Variants in HOOK1 observed in about 807,000 individuals in gnomAD.
HOOK1 encodes the protein hook microtubule tethering protein 1.
Under a neutral mutation model 112.8 loss-of-function variants are expected in HOOK1, and 60 were observed. The ratio of observed to expected loss-of-function variants is 0.53; its 90% CI spans 0.43 to 0.66. The LOEUF (loss-of-function observed/expected upper bound fraction) is 0.66. HOOK1 is among the 30% of genes least tolerant of loss of function. The probability of loss-of-function intolerance (pLI) is 0.00; values close to 1 mark genes in which losing one functional copy is unlikely to be tolerated. For synonymous variants in HOOK1, 294 were observed against 283.8 expected, an observed-to-expected ratio of 1.04 and a Z score of -0.36; for missense variants, 770 against 856.0, an observed-to-expected ratio of 0.90 and a Z score of 1.25.
At chr1:59,834,178 G>A (rs924739829) in intron 5 of HOOK1, among the ~76,000 whole-genome samples, 3 of 152,084 alleles carry the variant, frequency 2.0e-5, no homozygotes, top group African/African-American at 4.8e-5. Context: ...TGACGCTGAT[G>A]TTTTTTTGCA....
intron 16 of HOOK1, chr1:59,863,741 A>C (rs1329072098): frequency 2.2e-6 from 1 of 460,492 alleles, no homozygotes; most frequent in Non-Finnish European, 2.9e-6. Flanking sequence ...TGAAAAGGAA[A>C]ATTGAAAGAG....
intron 1 of HOOK1, among the ~76,000 whole-genome samples, chr1:59,818,304 C>T (rs769945881): frequency 5.3e-5 from 8 of 152,126 alleles, no homozygotes; most frequent in African/African-American, 9.7e-5. Flanking sequence ...CTTCTTTCAG[C>T]GCTAGGAGGA....
intron 2 of HOOK1, among the ~76,000 whole-genome samples, chr1:59,825,232 G>C (rs1449532176): frequency 6.6e-6 from 1 of 152,124 alleles, no homozygotes; most frequent in Non-Finnish European, 1.5e-5. Context: ...CACTCACAGG[G>C]GATAGGACTT....
intron 12 of HOOK1, among the ~76,000 whole-genome samples, chr1:59,854,099 T>A (rs1185627045): frequency 3.2e-5 from 4 of 125,312 alleles, no homozygotes; most frequent in African/African-American, 1.2e-4. Context: ...TTGCCCAGGC[T>A]GGAGTGCAGT....
chr1:59,860,539 A>G (rs2098413015), intron 15 of HOOK1, among the ~76,000 whole-genome samples: 1 of 152,138 alleles, frequency 6.6e-6, no homozygotes. Flanking sequence ...TATAAAATAT[A>G]TGGATAATCC....
intron 1 of HOOK1, among the ~76,000 whole-genome samples, chr1:59,815,816 T>C (rs2098380963): frequency 6.6e-6 from 1 of 151,972 alleles, no homozygotes; most frequent in Non-Finnish European, 1.5e-5. Flanking sequence ...GCTGGCCCTC[T>C]CCTCCTCTAA....
At chr1:59,820,427 G>A (rs1160696165) in intron 1 of HOOK1, among the ~76,000 whole-genome samples, 2 of 152,098 alleles carry the variant, frequency 1.3e-5, no homozygotes, top group African/African-American at 4.8e-5. Flanking sequence ...CTTTAACCCT[G>A]TTGGTTGTCA....
intron 2 of HOOK1, among the ~76,000 whole-genome samples, 171 bp downstream of exon 2, chr1:59,822,114 C>A (rs2098386102): frequency 6.6e-6 from 1 of 152,180 alleles, no homozygotes. Flanking sequence ...AGTTTACCAC[C>A]TCATTATTCC....
rs889538372 is a variant in HOOK1 at position 59,815,992 on chromosome 1, G to T, written c.63+812G>T. ...ACATCCCACCTCTTAGAGTTACTTA[G>T]ATATCAGTGCTGGCATTCAGGTGTG... is the stretch of plus-strand genomic sequence containing the variant. On this transcript the variant is annotated intron_variant, in intron 1 of 21. Transcript: ENST00000371208. Among the ~76,000 whole-genome samples the T allele has an allele frequency of 2.6e-5, 4 of 152,270 alleles. No homozygotes were observed. The East Asian group carries it at 5.8e-4, about 22-fold the overall frequency.
chr1:59,838,324 G>A lies in HOOK1; in HGVS notation c.537+1389G>A, dbSNP rs557800522. Among the ~76,000 whole-genome samples the A allele has an allele frequency of 1.3e-4, 20 of 152,242 alleles. No homozygotes were observed. The East Asian group carries it at 1.5e-3, about 12-fold the overall frequency. ...ATGCTCCCAACAACAGTGTAAAAGC[G>A]TTCCTATTTTTCCACAGCCTCTCCA... On this transcript the variant is annotated intron_variant, in intron 7 of 21. Transcript: ENST00000371208.
chr1:59,841,508 C>G (rs1319018878), intron 8 of HOOK1, among the ~76,000 whole-genome samples: 5 of 152,128 alleles, frequency 3.3e-5, no homozygotes, highest in African/African-American at 1.2e-4. Flanking sequence ...CTGTAAAAAC[C>G]AGTCCTCTGT....
At chr1:59,829,903 T>G (rs2098392563) in intron 3 of HOOK1, among the ~76,000 whole-genome samples, 1 of 152,132 alleles carries the variant, frequency 6.6e-6, no homozygotes, top group Non-Finnish European at 1.5e-5. Flanking sequence ...AGACTGTTAC[T>G]TTATTTTCAT....
At chr1:59,867,454 T>G (rs149769267) in intron 19 of HOOK1, among the ~76,000 whole-genome samples, 2 of 152,198 alleles carry the variant, frequency 1.3e-5, no homozygotes, top group African/African-American at 2.4e-5. Context: ...TACCATCCAG[T>G]CTTCTTCTTT....
chr1:59,858,871 A>G, intron 13 of HOOK1, 114 bp from the exon 14 acceptor site: 1 of 542,610 alleles, frequency 1.8e-6, no homozygotes, highest in Non-Finnish European at 3.3e-6. Context: ...TTTTGGACAG[A>G]GAGAGACCCT....
rs138325899 is a variant in HOOK1, at chr1:59,848,384, G to A, written c.999G>A (p.Leu333=). Residue 333 remains leucine, a synonymous_variant, in exon 11 of 22, where the codon CTG becomes CTA. Coordinates refer to ENST00000371208, the MANE Select transcript of HOOK1 (RefSeq NM_015888.6). ...TATATCGTCAGAAGCTACAAGATCT[G>A]AATGACCTTCGCAAGCAGGTGAAAA... ...VEIYRQKLQD[L]NDLRKQVKTL... The A allele has an allele frequency of 4.3e-6, 7 of 1,611,308 alleles. No individual in the cohort carries two copies. Among genetic ancestry groups the A allele is most frequent in the Non-Finnish European group, 5.9e-6 (7 of 1,178,088 alleles).
At chr1:59,819,453 C>G (rs2098383999) in intron 1 of HOOK1, among the ~76,000 whole-genome samples, 5 of 152,138 alleles carry the variant, frequency 3.3e-5, no homozygotes, top group Admixed American at 3.3e-4. Context: ...CCCAGCCTCC[C>G]CACTAAGCTT....
intron 17 of HOOK1, 37 bp from the exon 18 acceptor site, chr1:59,865,126 G>T: frequency 7.9e-7 from 1 of 1,262,468 alleles, no homozygotes; most frequent in South Asian, 1.2e-5. Context: ...AATGTTATAT[G>T]GCAGAGACCA....
At chr1:59,817,117 T>C (rs1417677418) in intron 1 of HOOK1, among the ~76,000 whole-genome samples, 2 of 152,230 alleles carry the variant, frequency 1.3e-5, no homozygotes, top group Non-Finnish European at 2.9e-5. Flanking sequence ...AACTACTTTC[T>C]CTCCATTGGC....
At chr1:59,839,627 A>T (rs950412992) in intron 7 of HOOK1, among the ~76,000 whole-genome samples, 1 of 152,166 alleles carries the variant, frequency 6.6e-6, no homozygotes, top group Non-Finnish European at 1.5e-5. Flanking sequence ...CAATCATGTC[A>T]TCTGCAAACA....
Sources: allele counts gnomAD v4.1 joint callset (sites outside exome capture counted in the v4.1 genomes callset), GRCh38; gene constraint gnomAD v4.1.1; transcripts MANE v1.5; gene names NCBI Gene and HGNC (gene_info 2026-07-23, HGNC 2026-07-21).